Variants in CHRNB4 observed in about 807,000 individuals in gnomAD.
The protein encoded by CHRNB4 is cholinergic receptor nicotinic beta 4 subunit, also known as neuronal acetylcholine receptor subunit beta-4.
A neutral mutation model predicts 40.4 loss-of-function variants in CHRNB4; 23 were observed. The observed-to-expected ratio is 0.57, with a 90% confidence interval of 0.41 to 0.81. The LOEUF is 0.81. CHRNB4 is among the 30% of genes least tolerant of loss of function. CHRNB4 has a pLI of 0.00. For missense variants in CHRNB4, 568 were observed against 670.6 expected (o/e 0.85, Z 1.69); for synonymous variants, 285 against 274.4 (o/e 1.04, Z -0.38).
At chr15:78,661,581 C>A (rs564093020), upstream of CHRNB4, 3 of 523,500 alleles carry the variant, frequency 5.7e-6, no homozygotes, top group African/African-American at 5.8e-5. Flanking sequence ...GTTTTTTGGT[C>A]CTTGTTGGGG....
chr15:78,625,007 G>A lies in CHRNB4; in HGVS notation c.*126C>T, dbSNP rs2053616420. ...CTTGCCTGTTCCACGGCTGTGGCTG[G>A]TTTGATGGGGTTGATGGCCAATGCT... On this transcript the variant is annotated 3_prime_UTR_variant, in exon 6 of 6. Coordinates refer to ENST00000261751, the MANE Select transcript of CHRNB4 (RefSeq NM_000750.5). 1 of 1,595,306 alleles carries A rather than the reference G, an allele frequency of 6.3e-7. No homozygotes were observed. Among genetic ancestry groups the A allele is most frequent in the East Asian group, 2.3e-5 (1 of 44,436 alleles).
chr15:78,645,074 C>T (rs781385243), upstream of CHRNB4, among the ~76,000 whole-genome samples: 4 of 152,096 alleles, frequency 2.6e-5, no homozygotes, highest in Non-Finnish European at 4.4e-5. Flanking sequence ...ACCTTCCATA[C>T]GCAAACCAGC....
upstream of CHRNB4, among the ~76,000 whole-genome samples, chr15:78,645,216 A>G (rs1195823149): frequency 2.0e-5 from 3 of 152,202 alleles, no homozygotes; most frequent in Non-Finnish European, 4.4e-5. Context: ...GAGCCAAGTG[A>G]AATTATTTAA....
chr15:78,625,468 T>G (rs2053630494), intron 5 of CHRNB4, among the ~76,000 whole-genome samples, 177 bp from the exon 6 acceptor site: 1 of 152,158 alleles, frequency 6.6e-6, no homozygotes, highest in Admixed American at 6.5e-5. Context: ...TCTGAGCCTC[T>G]CTGGCTGTTC....
chr15:78,654,823 G>A lies in CHRNB4; in HGVS notation c.-110+721C>T, dbSNP rs1304440366. Among the ~76,000 whole-genome samples the A allele has an allele frequency of 2.6e-5, 4 of 152,246 alleles. No individual in the cohort carries two copies. The East Asian group carries it at 5.8e-4, about 22-fold the overall frequency. ...CCTGTGTAACCAGCATCCAGCTCAA[G>A]ACACAGACATTACCAGCACCCTAAA... is the stretch of plus-strand genomic sequence containing the variant. On this transcript the variant is annotated intron_variant and NMD_transcript_variant, in intron 5 of 11. Coordinates refer to the CHRNB4 transcript ENST00000559849.
chr15:78,650,715 C>T (rs373396442), intron 6 of CHRNB4, among the ~76,000 whole-genome samples: 4 of 152,288 alleles, frequency 2.6e-5, no homozygotes, highest in East Asian at 1.9e-4. Flanking sequence ...TCCATTCTGC[C>T]GGTGTACAGC....
In CHRNB4 at chr15:78,629,149, A is replaced by G; in HGVS notation, c.1156T>C (p.Ser386Pro). The change falls in exon 5 of 6, where the codon TCC becomes CCC. Residue 386 changes from serine to proline, a missense_variant. By Grantham distance (74) the Ser-to-Pro change is moderately conservative. Coordinates refer to ENST00000261751, the MANE Select transcript of CHRNB4 (RefSeq NM_000750.5). This position sits in a 1 kb window ranked among gnomAD's most constrained non-coding sequence, Gnocchi z 6.8. The stretch of plus-strand genomic sequence containing the variant: ...GAGGCGGGGTTCACAAAGTACATGG[A>G]GTTCCCATAGAAGTTGGAGGGGCTG... ...STSPSNFYGNSMYFVNPASAA... is the reference protein window; with the variant it reads ...STSPSNFYGNPMYFVNPASAA... 6.2e-7 allele frequency: 1 copy of G among 1,614,108 alleles called. No homozygotes were observed. Among genetic ancestry groups the G allele is most frequent in the Non-Finnish European group, 8.5e-7 (1 of 1,180,000 alleles).
chr15:78,648,061 G>A (rs368047560), intron 7 of CHRNB4, among the ~76,000 whole-genome samples: 71 of 151,840 alleles, frequency 4.7e-4, no homozygotes, highest in Middle Eastern at 6.8e-3. Flanking sequence ...TCATAAGGGC[G>A]AGCCCTCGTG....
intron 1 of CHRNB4, among the ~76,000 whole-genome samples, chr15:78,658,915 T>TA (rs1328299385): frequency 6.6e-6 from 1 of 152,102 alleles, no homozygotes; most frequent in African/African-American, 2.4e-5. Flanking sequence ...GCTGATGTGG[T>TA]ATATAGGCCA....
At chr15:78,645,327 T>C (rs2054114154), upstream of CHRNB4, among the ~76,000 whole-genome samples, 1 of 152,178 alleles carries the variant, frequency 6.6e-6, no homozygotes, top group Admixed American at 6.5e-5. Context: ...CCCAGCTCCC[T>C]TTACTTATTG....
At chr15:78,643,259 GT>G (rs951218707), upstream of CHRNB4, among the ~76,000 whole-genome samples, 8 of 149,032 alleles carry the variant, frequency 5.4e-5, no homozygotes, top group South Asian at 1.1e-3. Flanking sequence ...AGCAAGTTAG[GT>G]TTTTTTTTTG....
chr15:78,643,451 T>C (rs539785723), upstream of CHRNB4, among the ~76,000 whole-genome samples: 6 of 152,136 alleles, frequency 3.9e-5, no homozygotes, highest in Non-Finnish European at 8.8e-5. Flanking sequence ...TCATAATTAA[T>C]GGTAAAACTT....
chr15:78,625,034 A>T lies in CHRNB4; in HGVS notation c.*99T>A, dbSNP rs191368722. On this transcript the variant is annotated 3_prime_UTR_variant, in exon 6 of 6. Coordinates refer to ENST00000261751, the MANE Select transcript of CHRNB4 (RefSeq NM_000750.5). ...TTGATGGGGTTGATGGCCAATGCTC[A>T]CATATTTACTTAGGGCCTCATCAGC... The T allele has an allele frequency of 6.7e-5, 107 of 1,604,158 alleles. No individual in the cohort carries two copies. In the East Asian group the frequency reaches 2.3e-3, roughly 35 times the overall value.
In CHRNB4 at chr15:78,624,776, AG is replaced by A; in HGVS notation, c.*356del. On this transcript the variant is annotated 3_prime_UTR_variant, in exon 6 of 6. Transcript: ENST00000261751. The stretch of plus-strand genomic sequence containing the variant: ...CTAGAAGTGTGTGAGGAACTGGACA[AG>A]GGGAAGTGGAGAGAGATGGTGATGG... The A allele has an allele frequency of 1.9e-6, 1 of 531,762 alleles. No individual in the cohort carries two copies. Among genetic ancestry groups the A allele is most frequent in the Non-Finnish European group, 3.3e-6 (1 of 305,670 alleles). 32.9% of individuals were successfully genotyped at this position (531,762 alleles called of 1,614,324 possible).
In CHRNB4 at chr15:78,629,744, C is replaced by G. The variant is rs139151554; in HGVS notation, c.561G>C (p.Thr187=). The G allele has an allele frequency of 6.2e-7, 1 of 1,613,858 alleles. No homozygotes were observed. The highest frequency in any genetic ancestry group is 1.3e-5 in the African/African-American group (1 of 75,004). ...DHTEIDMVLM[T]PTASMDDFTP... Reference sequence around the variant, plus strand: ...TAAAGTCATCCATGCTGGCTGTGGGCGTCATGAGGACCATGTCTATCTCCG... The same window carrying G: ...TAAAGTCATCCATGCTGGCTGTGGGGGTCATGAGGACCATGTCTATCTCCG... The change falls in exon 5 of 6, where the codon ACG becomes ACC. Residue 187 remains threonine, a synonymous_variant. Transcript: ENST00000261751. This position sits in a 1 kb window ranked among gnomAD's most constrained non-coding sequence, Gnocchi z 6.8.
intron 1 of CHRNB4, among the ~76,000 whole-genome samples, chr15:78,640,497 G>C (rs1285434882): frequency 6.6e-6 from 1 of 152,214 alleles, no homozygotes; most frequent in Non-Finnish European, 1.5e-5. Flanking sequence ...CACCCCCAAA[G>C]CACAAAACAT....
chr15:78,638,137 C>T (rs1386204050), intron 1 of CHRNB4, among the ~76,000 whole-genome samples: 1 of 152,194 alleles, frequency 6.6e-6, no homozygotes, highest in Non-Finnish European at 1.5e-5. Context: ...CTGGATCCCA[C>T]ATCTCTGAAG....
Position 78,631,272 on chromosome 15 carries a change from C to T in CHRNB4, c.249+16G>A, listed in dbSNP as rs772788774. On this transcript the variant is annotated intron_variant, in intron 3 of 5. Transcript: ENST00000261751. ...AGAAAAGATCTCTGGGGCTCAGGGC[C>T]CTTCAGGGCACTTACCTGTTTCAGC... 3.7e-6 allele frequency: 6 copies of T among 1,613,992 alleles called. No individual in the cohort carries two copies. Among genetic ancestry groups the T allele is most frequent in the Non-Finnish European group, 5.1e-6 (6 of 1,179,892 alleles).
chr15:78,655,408 CTATATATATCTATA>C (rs2054204410), intron 5 of CHRNB4: 1 of 148,514 alleles, frequency 6.7e-6, no homozygotes, highest in South Asian at 2.1e-4. Flanking sequence ...CGTTACATAT[CTATATATATCTATA>C]TATCTATATC....
Sources: allele counts gnomAD v4.1 joint callset (sites outside exome capture counted in the v4.1 genomes callset), GRCh38; gene constraint gnomAD v4.1.1; non-coding constraint Gnocchi (gnomAD v3.1); transcripts MANE v1.5; gene names NCBI Gene and HGNC (gene_info 2026-07-23, HGNC 2026-07-21).